Variants in SLC17A8 observed in about 807,000 individuals in gnomAD.
SLC17A8 encodes the protein vesicular glutamate transporter 3.
A neutral mutation model predicts 58.0 loss-of-function variants in SLC17A8; 31 were observed. That is an observed-to-expected ratio of 0.53 (90% confidence interval 0.40 to 0.72). The LOEUF (loss-of-function observed/expected upper bound fraction) is 0.72. SLC17A8 is among the 30% of genes least tolerant of loss of function. SLC17A8 has a pLI of 0.00. For synonymous variants in SLC17A8, 228 were observed against 249.0 expected (o/e 0.92, Z 0.79); for missense variants, 655 against 727.8 (o/e 0.90, Z 1.15).
chr12:100,416,282 C>T (rs1464835450), intron 10 of SLC17A8, among the ~76,000 whole-genome samples: 1 of 152,168 alleles, frequency 6.6e-6, no homozygotes, highest in African/African-American at 2.4e-5. Flanking sequence ...GAGCATAATA[C>T]TCAACAATCA....
At chr12:100,393,105 AG>A (rs1188941751) in intron 3 of SLC17A8, among the ~76,000 whole-genome samples, 1 of 152,190 alleles carries the variant, frequency 6.6e-6, no homozygotes, top group Non-Finnish European at 1.5e-5. Flanking sequence ...TCCAAATTAC[AG>A]GTGCCAGCCG....
Position 100,380,695 on chromosome 12 carries a change from A to G in SLC17A8, c.102-6A>G, listed in dbSNP as rs772849770. ...TTATTTTCTGCCTATCCTTTTTCCC[A>G]TGTAGAAAAATCGATGGGACAACTG... On this transcript the variant is annotated splice_polypyrimidine_tract_variant and splice_region_variant and intron_variant, in intron 1 of 11. Coordinates refer to ENST00000323346, the MANE Select transcript of SLC17A8 (RefSeq NM_139319.3). The G allele has an allele frequency of 6.2e-7, 1 of 1,612,236 alleles. No homozygotes were observed. The highest frequency in any genetic ancestry group is 2.2e-5 in the East Asian group (1 of 44,818).
intron 2 of SLC17A8, among the ~76,000 whole-genome samples, chr12:100,382,529 G>A (rs940969488): frequency 6.6e-6 from 1 of 152,194 alleles, no homozygotes; most frequent in Non-Finnish European, 1.5e-5. Context: ...GACTCATGCA[G>A]AAATCCGTTC....
intron 5 of SLC17A8, among the ~76,000 whole-genome samples, chr12:100,397,401 A>G (rs1397933480): frequency 6.6e-6 from 1 of 151,926 alleles, no homozygotes; most frequent in African/African-American, 2.4e-5. Flanking sequence ...CCAGATAATA[A>G]GAAGTAGAGA....
At chr12:100,413,010 A>C in intron 10 of SLC17A8, 130 bp downstream of exon 10, 1 of 770,124 alleles carries the variant, frequency 1.3e-6, no homozygotes, top group Non-Finnish European at 2.3e-6. Flanking sequence ...ACCACCGTCC[A>C]GAGAATGTGA....
chr12:100,407,901 C>G (rs552083841), intron 9 of SLC17A8, among the ~76,000 whole-genome samples: 4 of 152,068 alleles, frequency 2.6e-5, no homozygotes, highest in Admixed American at 2.6e-4. Flanking sequence ...CCACCGTGCC[C>G]GGCCATTCTT....
At chr12:100,376,224 T>C (rs1243785096) in intron 1 of SLC17A8, among the ~76,000 whole-genome samples, 1 of 152,178 alleles carries the variant, frequency 6.6e-6, no homozygotes, top group Non-Finnish European at 1.5e-5. Context: ...TTAGGCCACC[T>C]AGTTTGTGGT....
At chr12:100,412,182 C>T (rs150638746) in intron 9 of SLC17A8, among the ~76,000 whole-genome samples, 8 of 152,126 alleles carry the variant, frequency 5.3e-5, no homozygotes, top group South Asian at 2.1e-4. Context: ...CTATTGGGAC[C>T]GTGTGGTGTT....
At chr12:100,359,793 C>T (rs11110348) in intron 1 of SLC17A8, among the ~76,000 whole-genome samples, 2,527 of 152,250 alleles carry the variant, frequency 0.017, 74 homozygotes, top group African/African-American at 0.057. Context: ...TGCCCAGAGC[C>T]TGGCACATAC....
chr12:100,361,571 T>C (rs1952484934), intron 1 of SLC17A8, among the ~76,000 whole-genome samples: 1 of 152,200 alleles, frequency 6.6e-6, no homozygotes, highest in East Asian at 1.9e-4. Flanking sequence ...CTTAGGTAGG[T>C]TCCCTAAAAA....
chr12:100,398,277 C>G (rs188621814), intron 5 of SLC17A8, among the ~76,000 whole-genome samples: 1 of 152,294 alleles, frequency 6.6e-6, no homozygotes, highest in Non-Finnish European at 1.5e-5. Context: ...GAAACCATCT[C>G]CATCCGCTCA....
chr12:100,394,398 C>CTTTTTTT (rs34047250), intron 4 of SLC17A8, among the ~76,000 whole-genome samples: 1 of 112,758 alleles, frequency 8.9e-6, no homozygotes, highest in African/African-American at 3.2e-5. Context: ...ACATCTTTTC[C>CTTTTTTT]TTTTTTTTTT....
At chr12:100,381,709 C>A (rs1952639329) in intron 2 of SLC17A8, among the ~76,000 whole-genome samples, 2 of 151,950 alleles carry the variant, frequency 1.3e-5, no homozygotes, top group South Asian at 4.1e-4. Context: ...GTTTTAAGTT[C>A]TTAAAATAAA....
intron 9 of SLC17A8, 124 bp from the exon 10 acceptor site, chr12:100,412,646 T>C (rs892687456): frequency 3.7e-6 from 2 of 542,208 alleles, no homozygotes; most frequent in South Asian, 2.0e-5. Flanking sequence ...AAAAAAAACA[T>C]AGACACAAAC....
chr12:100,375,237 C>T (rs1225965860), intron 1 of SLC17A8, among the ~76,000 whole-genome samples: 3 of 151,570 alleles, frequency 2.0e-5, no homozygotes, highest in African/African-American at 7.3e-5. Flanking sequence ...ATCTTCCTGC[C>T]TCCGCCTCCC....
intron 1 of SLC17A8, among the ~76,000 whole-genome samples, chr12:100,375,968 T>C (rs1952592276): frequency 6.6e-6 from 1 of 152,122 alleles, no homozygotes; most frequent in Non-Finnish European, 1.5e-5. Flanking sequence ...GGAGATAGGG[T>C]CTTTAAAAAG....
At chr12:100,404,296 C>G (rs1952811617) in intron 9 of SLC17A8, 126 bp downstream of exon 9, 1 of 1,220,886 alleles carries the variant, frequency 8.2e-7, no homozygotes, top group Non-Finnish European at 1.2e-6. Flanking sequence ...TAAGTCTGTC[C>G]CTCAGCAGAC....
intron 1 of SLC17A8, among the ~76,000 whole-genome samples, chr12:100,372,494 T>C (rs890487316): frequency 6.6e-6 from 1 of 152,060 alleles, no homozygotes; most frequent in Non-Finnish European, 1.5e-5. Context: ...ACCACAGGCA[T>C]CCATGCCACC....
intron 9 of SLC17A8, among the ~76,000 whole-genome samples, chr12:100,412,521 T>C (rs1952876124): frequency 6.7e-6 from 1 of 149,654 alleles, no homozygotes; most frequent in Non-Finnish European, 1.5e-5. Context: ...GGCACATGTA[T>C]ACCTATGTAA....
Sources: gnomAD v4.1 joint callset for allele counts (sites outside exome capture counted in the v4.1 genomes callset) on GRCh38, gnomAD v4.1.1 for gene constraint, MANE v1.5 for transcripts, NCBI Gene and HGNC (gene_info 2026-07-23, HGNC 2026-07-21) for gene names.